The following KANK3 variants were observed in gnomAD, a reference collection of about 807,000 sequenced individuals.
KANK3 encodes the protein KN motif and ankyrin repeat domain-containing protein 3.
Under a neutral mutation model 65.4 loss-of-function variants are expected in KANK3, and 61 were observed. The ratio of observed to expected loss-of-function variants is 0.93; its 90% CI spans 0.76 to 1.15. The LOEUF (loss-of-function observed/expected upper bound fraction) is 1.15, where lower values mean the gene tolerates loss of function less well. Ranked by LOEUF, KANK3 falls within the 50% of genes most tolerant of loss-of-function variation. The probability of loss-of-function intolerance (pLI) is 0.00; values close to 1 mark genes in which losing one functional copy is unlikely to be tolerated. For missense variants in KANK3, 1,187 were observed against 1,178.8 expected (o/e 1.01, Z -0.10); for synonymous variants, 586 against 543.3 (o/e 1.08, Z -1.09).
At chr19:8,342,379 G>T (rs989007177) in intron 1 of KANK3, among the ~76,000 whole-genome samples, 10 of 152,144 alleles carry the variant, frequency 6.6e-5, no homozygotes, top group African/African-American at 2.4e-4. Flanking sequence ...TCAGGGGCTG[G>T]GGCCTCACTA....
chr19:8,333,853 G>GCCGACCA lies in KANK3; in HGVS notation c.1634+50_1635-46dup. On this transcript the variant is annotated intron_variant, in intron 5 of 10. Transcript: ENST00000330915. This position sits in a 1 kb window ranked among gnomAD's most constrained non-coding sequence, Gnocchi z 5.0. ...AGACTCAGGATGGATCGGGGACAGC[G>GCCGACCA]CCGACCAGGAGGAGGGCAGCCGCCT... 6.5e-7 allele frequency: 1 copy of GCCGACCA among 1,547,986 alleles called. No individual in the cohort carries two copies. The highest frequency in any genetic ancestry group is 8.7e-7 in the Non-Finnish European group (1 of 1,146,634).
Position 8,335,616 on chromosome 19 carries a change from G to C in KANK3, c.211C>G (p.Arg71Gly). ...ARRAPGPPTS[R>G]RPRAPRPGLA... The stretch of plus-strand genomic sequence containing the variant: ...CCGGGCCGGGGCGCGCGGGGACGGC[G>C]CGAGGTCGGGGGTCCCGGGGCGCGG... Residue 71 changes from arginine to glycine, a missense_variant, in exon 3 of 11, where the codon CGC (arginine) becomes GGC (glycine). By Grantham distance (125) the Arg-to-Gly change is moderately radical. Coordinates refer to ENST00000330915, the MANE Select transcript of KANK3 (RefSeq NM_198471.3). 1 of 1,239,282 alleles carries C rather than the reference G, an allele frequency of 8.1e-7. No homozygotes were observed. The allele number at this position is 1,239,282 out of a possible 1,614,324, so 76.8% of individuals were successfully genotyped here. A position where few individuals can be genotyped will look rare whatever the true frequency, so the allele number is the denominator to read the frequency against.
chr19:8,331,847 C>T (rs1383148616), intron 7 of KANK3, among the ~76,000 whole-genome samples: 1 of 152,080 alleles, frequency 6.6e-6, no homozygotes, highest in Non-Finnish European at 1.5e-5. Context: ...CTTGCCAACC[C>T]CATTTCACAA....
At position 8,335,429 on chromosome 19, in the gene KANK3, G is replaced by A. The variant is rs1244694827; in HGVS notation, c.398C>T (p.Thr133Met). 5 of 1,215,670 alleles carry A rather than the reference G, an allele frequency of 4.1e-6. No homozygotes were observed. The Admixed American group carries it at 1.7e-4, about 42-fold the overall frequency. 75.3% of individuals were successfully genotyped at this position (1,215,670 alleles called of 1,614,324 possible). ...CAGCCGCCGGCTGGTCTCCCGGAGC[G>A]TGTGCTCGACGCGCGGGTTGCGCAC... ...APVRNPRVEH[T>M]LRETSRRLEL... The change falls in exon 3 of 11, where the codon ACG becomes ATG. Residue 133 changes from threonine to methionine, a missense_variant. Thr to Met is a moderately conservative substitution (Grantham distance 81). Around this residue, in one of 3 missense-constraint regions of KANK3, gnomAD observed 1,078 missense variants for 1,038.2 expected, o/e 1.04. Transcript: ENST00000330915.
At chr19:8,337,737 T>C (rs1405544330) in intron 2 of KANK3, 58 bp downstream of exon 2, 7 of 1,590,820 alleles carry the variant, frequency 4.4e-6, no homozygotes, top group Non-Finnish European at 6.0e-6. Flanking sequence ...CACAAGGGCA[T>C]CAAGCGTTTC....
intron 7 of KANK3, among the ~76,000 whole-genome samples, chr19:8,329,420 G>C (rs975542649): frequency 7.0e-6 from 1 of 143,530 alleles, no homozygotes; most frequent in Non-Finnish European, 1.5e-5. Context: ...CCGGGAGGCA[G>C]AGGTTGCAGT....
At chr19:8,337,505 C>G (rs1970662183) in intron 2 of KANK3, among the ~76,000 whole-genome samples, 1 of 151,650 alleles carries the variant, frequency 6.6e-6, no homozygotes, top group African/African-American at 2.4e-5. Context: ...CGAGCCGTGC[C>G]TGGCTAATTT....
chr19:8,325,908 C>T (rs1041427140), intron 7 of KANK3, among the ~76,000 whole-genome samples: 3 of 152,058 alleles, frequency 2.0e-5, no homozygotes, highest in Admixed American at 2.0e-4. Flanking sequence ...CTCACTGCAA[C>T]CTCTGCCTCC....
intron 1 of KANK3, among the ~76,000 whole-genome samples, chr19:8,341,011 C>T (rs979681308): frequency 2.0e-5 from 3 of 152,070 alleles, no homozygotes; most frequent in Non-Finnish European, 4.4e-5. Context: ...GGGTCAGCGT[C>T]CTCCTCCGGT....
chr19:8,337,886 G>A (rs544065530), intron 1 of KANK3, 30 bp from the exon 2 acceptor site: 71 of 1,611,478 alleles, frequency 4.4e-5, no homozygotes, highest in South Asian at 3.4e-4. Flanking sequence ...GGGGCTGGGC[G>A]CTGTCCCTCT....
At chr19:8,325,182 A>G in intron 7 of KANK3, 86 bp from the exon 8 acceptor site, 1 of 1,435,322 alleles carries the variant, frequency 7.0e-7, no homozygotes, top group South Asian at 1.4e-5. Flanking sequence ...CCTCGGGCAC[A>G]GCACCTGCAT....
At position 8,322,711 on chromosome 19, in the gene KANK3, AT is replaced by A. The variant is rs1970340351; in HGVS notation, c.*127del. On this transcript the variant is annotated 3_prime_UTR_variant, in exon 11 of 11. Transcript: ENST00000330915. ...TCCTGCCACAGTCACCCCAACTGAA[AT>A]TGCCTTTCTCTTCGGCCAGTGTTAG... 4.4e-6 allele frequency: 3 copies of A among 686,318 alleles called. No homozygotes were observed. The Admixed American group carries it at 8.7e-5, about 20-fold the overall frequency. The allele number at this position is 686,318 out of a possible 1,614,324, so 42.5% of individuals were successfully genotyped here.
chr19:8,342,101 C>G (rs1015895131), intron 1 of KANK3, among the ~76,000 whole-genome samples: 3 of 152,220 alleles, frequency 2.0e-5, no homozygotes, highest in Admixed American at 1.3e-4. Context: ...TCAAGCGACT[C>G]TCCTGCCTCA....
intron 7 of KANK3, among the ~76,000 whole-genome samples, chr19:8,327,692 G>A (rs1011199250): frequency 6.6e-6 from 1 of 152,146 alleles, no homozygotes; most frequent in African/African-American, 2.4e-5. Flanking sequence ...TACTCAGGAG[G>A]CTGAGGTGGA....
rs760119579 is a variant in KANK3, at chr19:8,333,933, C to T, written c.1611G>A (p.Glu537=). 2 of 1,577,448 alleles carry T rather than the reference C, an allele frequency of 1.3e-6. No individual in the cohort carries two copies. The highest frequency in any genetic ancestry group is 1.7e-6 in the Non-Finnish European group (2 of 1,164,766). Residue 537 remains glutamate, a synonymous_variant, in exon 5 of 11, where the codon GAG becomes GAA. Transcript: ENST00000330915. This position sits in a 1 kb window ranked among gnomAD's most constrained non-coding sequence, Gnocchi z 5.0. The part of the protein sequence containing the change: ...IRDPEPEAEA[E]PQQVAQGRCE... Reference sequence around the variant, plus strand: ...ACCTCCCCTGTGCCACCTGCTGAGGCTCTGCCTCCGCCTCGGGCTCAGGGT... The same window carrying T: ...ACCTCCCCTGTGCCACCTGCTGAGGTTCTGCCTCCGCCTCGGGCTCAGGGT...
Position 8,334,322 on chromosome 19 carries a change from T to G in KANK3, c.1425A>C (p.Gly475=). The G allele has an allele frequency of 6.2e-7, 1 of 1,614,016 alleles. No homozygotes were observed. The highest frequency in any genetic ancestry group is 8.5e-7 in the Non-Finnish European group (1 of 1,179,980). The change falls in exon 4 of 11, where the codon GGA becomes GGC. Residue 475 remains glycine, a splice_region_variant and synonymous_variant. Transcript: ENST00000330915. The part of the protein sequence containing the change: ...KSLQFVGVLN[G]EYESSSSEDA... ...CACAGGAGGGGAAAGGCGCTCACTC[T>G]CCGTTGAGGACCCCAACAAACTGCA...
In KANK3 at chr19:8,337,950, T is replaced by TCTC. The variant is rs1302430091; in HGVS notation, c.-28-97_-28-95dup. The TCTC allele has an allele frequency of 2.6e-6, 4 of 1,526,356 alleles. No individual in the cohort carries two copies. In the Admixed American group the frequency reaches 5.8e-5, roughly 22 times the overall value. 94.6% of individuals were successfully genotyped at this position (1,526,356 alleles called of 1,614,324 possible). Reference sequence around the variant, plus strand: ...GTCTAAGCAAACAGGACCCAAGAGCTCTCCTCCACCCAGCCACCTCCCTCC... The same window carrying TCTC: ...GTCTAAGCAAACAGGACCCAAGAGCTCTCCTCCTCCACCCAGCCACCTCCCTCC... On this transcript the variant is annotated intron_variant, in intron 1 of 10. Coordinates refer to ENST00000330915, the MANE Select transcript of KANK3 (RefSeq NM_198471.3).
intron 1 of KANK3, among the ~76,000 whole-genome samples, chr19:8,340,324 C>T (rs1317383737): frequency 6.8e-6 from 1 of 146,240 alleles, no homozygotes; most frequent in Non-Finnish European, 1.5e-5. Context: ...ACACACAGCC[C>T]CCATACAACA....
chr19:8,343,038 G>T (rs1970740694), intron 1 of KANK3, among the ~76,000 whole-genome samples, 187 bp downstream of exon 1: 1 of 152,200 alleles, frequency 6.6e-6, no homozygotes, highest in African/African-American at 2.4e-5. Flanking sequence ...CCCCCACTCT[G>T]CTCGCTACCC....
Sources: allele counts gnomAD v4.1 joint callset (sites outside exome capture counted in the v4.1 genomes callset), GRCh38; gene constraint gnomAD v4.1.1; regional missense constraint gnomAD v4.1.1; non-coding constraint Gnocchi (gnomAD v3.1); transcripts MANE v1.5; gene names NCBI Gene and HGNC (gene_info 2026-07-23, HGNC 2026-07-21).